Variants in KDM4B observed in about 807,000 individuals in gnomAD.
KDM4B encodes the protein lysine demethylase 4B.
A neutral mutation model predicts 125.2 loss-of-function variants in KDM4B; 32 were observed. The observed-to-expected ratio is 0.26, with a 90% CI of 0.19 to 0.34. The LOEUF (loss-of-function observed/expected upper bound fraction) is 0.34. KDM4B is among the 10% of genes least tolerant of loss of function. KDM4B has a pLI of 1.00. For missense variants in KDM4B, 1,190 were observed against 1,577.7 expected, an observed-to-expected ratio of 0.75 and a Z score of 4.16; for synonymous variants, 721 against 677.9, an observed-to-expected ratio of 1.06 and a Z score of -0.99.
At chr19:5,034,284 G>A (rs1166811066) in intron 3 of KDM4B, among the ~76,000 whole-genome samples, 1 of 152,208 alleles carries the variant, frequency 6.6e-6, no homozygotes, top group Non-Finnish European at 1.5e-5. Context: ...TGCATTTTGG[G>A]TTCTTCCAGT....
At chr19:5,023,669 A>G (rs948055470) in intron 2 of KDM4B, among the ~76,000 whole-genome samples, 1 of 152,154 alleles carries the variant, frequency 6.6e-6, no homozygotes, top group Admixed American at 6.5e-5. Flanking sequence ...GAGGTGGGAC[A>G]AGAGGACGAG....
chr19:4,973,013 G>A (rs1169369029), intron 1 of KDM4B, among the ~76,000 whole-genome samples: 4 of 152,068 alleles, frequency 2.6e-5, no homozygotes, highest in South Asian at 4.1e-4. Flanking sequence ...GGCTTGCTTG[G>A]CTGCCCCCAG....
At chr19:5,123,576 A>C (rs1353011557) in intron 11 of KDM4B, among the ~76,000 whole-genome samples, 1 of 152,242 alleles carries the variant, frequency 6.6e-6, no homozygotes. Flanking sequence ...TCAACAGCAC[A>C]GGGACTCAGC....
chr19:4,992,106 A>C (rs2035049073), intron 1 of KDM4B, among the ~76,000 whole-genome samples: 1 of 152,094 alleles, frequency 6.6e-6, no homozygotes, highest in African/African-American at 2.4e-5. Flanking sequence ...GTGGAAGCAG[A>C]GTGAGTTCCT....
At chr19:4,985,619 C>G (rs535044511) in intron 1 of KDM4B, among the ~76,000 whole-genome samples, 34 of 152,360 alleles carry the variant, frequency 2.2e-4, no homozygotes, top group African/African-American at 6.3e-4. Context: ...ATTAAGGGAT[C>G]TGGCCCCGCG....
intron 9 of KDM4B, among the ~76,000 whole-genome samples, chr19:5,104,401 T>C (rs1197907890): frequency 6.6e-6 from 1 of 152,180 alleles, no homozygotes; most frequent in Admixed American, 6.5e-5. Context: ...GAGACGTGAC[T>C]CTTTTTGAGC....
At chr19:5,055,845 T>C (rs150728164) in intron 6 of KDM4B, among the ~76,000 whole-genome samples, 2 of 152,328 alleles carry the variant, frequency 1.3e-5, no homozygotes, top group African/African-American at 4.8e-5. Flanking sequence ...AGTGGGAAGG[T>C]AGTAACCACA....
chr19:5,059,974 G>T (rs2037533567), intron 6 of KDM4B, among the ~76,000 whole-genome samples: 1 of 152,220 alleles, frequency 6.6e-6, no homozygotes. Flanking sequence ...CTTCTGCAGA[G>T]CCTGGTGCTG....
intron 1 of KDM4B, among the ~76,000 whole-genome samples, chr19:4,995,908 A>C (rs1264952900): frequency 6.6e-6 from 1 of 152,186 alleles, no homozygotes; most frequent in East Asian, 1.9e-4. Context: ...TTTGCTTCTC[A>C]GTGGCTCTGC....
intron 2 of KDM4B, among the ~76,000 whole-genome samples, chr19:5,021,886 G>T (rs2036133190): frequency 6.6e-6 from 1 of 152,040 alleles, no homozygotes; most frequent in African/African-American, 2.4e-5. Flanking sequence ...TGCCTGCCTC[G>T]TCCTCCCAAA....
At chr19:5,000,864 C>T (rs1290116138) in intron 1 of KDM4B, among the ~76,000 whole-genome samples, 1 of 152,126 alleles carries the variant, frequency 6.6e-6, no homozygotes, top group Admixed American at 6.6e-5. Context: ...AGAACATTAG[C>T]ATGGTTCCAG....
At chr19:5,132,131 C>T (rs2146061482) in intron 13 of KDM4B, 124 bp downstream of exon 13, 4 of 1,245,110 alleles carry the variant, frequency 3.2e-6, no homozygotes, top group East Asian at 2.6e-5. Flanking sequence ...CCCCTGAACC[C>T]AGGCCTTTCT....
chr19:5,096,852 C>T (rs1432177364), intron 9 of KDM4B, among the ~76,000 whole-genome samples: 1 of 152,204 alleles, frequency 6.6e-6, no homozygotes, highest in Non-Finnish European at 1.5e-5. Flanking sequence ...TGGCGCCTGC[C>T]TGGTGGAGGA....
At chr19:4,986,682 C>G (rs534538956) in intron 1 of KDM4B, among the ~76,000 whole-genome samples, 9 of 152,230 alleles carry the variant, frequency 5.9e-5, no homozygotes, top group Non-Finnish European at 1.0e-4. Flanking sequence ...CAGGGAGGGC[C>G]TCTCCCAGCA....
chr19:4,979,833 C>T (rs188981119), intron 1 of KDM4B, among the ~76,000 whole-genome samples: 6 of 152,176 alleles, frequency 3.9e-5, no homozygotes, highest in African/African-American at 9.7e-5. Context: ...CTGGGCACAG[C>T]GGCTCATGCC....
chr19:5,016,756 C>T (rs1405787525), intron 2 of KDM4B, among the ~76,000 whole-genome samples: 2 of 152,220 alleles, frequency 1.3e-5, no homozygotes, highest in East Asian at 1.9e-4. Context: ...GAGCAGGGCT[C>T]TCTAAAAATG....
intron 6 of KDM4B, among the ~76,000 whole-genome samples, chr19:5,069,455 GCC>G (rs1403742589): frequency 4.7e-5 from 7 of 150,264 alleles, no homozygotes; most frequent in Non-Finnish European, 1.0e-4. Flanking sequence ...GATTACAGGC[GCC>G]TGCCACCACG....
At chr19:5,110,546 C>T (rs912197668) in intron 9 of KDM4B, 76 bp from the exon 10 acceptor site, 9 of 1,486,498 alleles carry the variant, frequency 6.1e-6, no homozygotes, top group Non-Finnish European at 8.4e-6. Context: ...GTGAGCCCTA[C>T]CTGCTCTGGG....
chr19:5,134,139 C>A, intron 14 of KDM4B, 78 bp downstream of exon 14: 1 of 1,354,356 alleles, frequency 7.4e-7, no homozygotes, highest in Non-Finnish European at 1.0e-6. Context: ...GGGCACCCCA[C>A]ACGCCTCCCT....
Sources: gnomAD v4.1 joint callset for allele counts (sites outside exome capture counted in the v4.1 genomes callset) on GRCh38, gnomAD v4.1.1 for gene constraint, MANE v1.5 for transcripts, NCBI Gene and HGNC (gene_info 2026-07-23, HGNC 2026-07-21) for gene names.